The following LARP4B variants were observed in gnomAD, a reference collection of about 807,000 sequenced individuals.
LARP4B encodes la-related protein 4B.
LARP4B carries 12 observed loss-of-function variants against 89.8 expected under a neutral mutation model. The observed-to-expected ratio is 0.13, with a 90% CI of 0.09 to 0.22. LARP4B has a LOEUF of 0.22. Ranked by LOEUF, LARP4B falls within the 10% of genes least tolerant of loss-of-function variation. LARP4B has a pLI of 1.00. For synonymous variants in LARP4B, 367 were observed against 363.3 expected (o/e 1.01, Z -0.12); for missense variants, 757 against 947.7 (o/e 0.80, Z 2.64).
Position 829,640 on chromosome 10 carries a change from A to C in LARP4B, c.915+41T>G, listed in dbSNP as rs1253650527. ...TTCTATTAGAATACTTAAGAACATCAATTTGCAAATAAACAAAGTATAACC... is the reference window on the plus strand; with the variant it reads ...TTCTATTAGAATACTTAAGAACATCCATTTGCAAATAAACAAAGTATAACC... On this transcript the variant is annotated intron_variant, in intron 10 of 17. Coordinates refer to ENST00000316157, the MANE Select transcript of LARP4B (RefSeq NM_015155.3). 4 of 1,609,472 alleles carry C rather than the reference A, an allele frequency of 2.5e-6. No individual in the cohort carries two copies. The South Asian group carries it at 3.3e-5, about 13-fold the overall frequency.
chr10:868,376 C>T (rs1267685937), intron 3 of LARP4B, among the ~76,000 whole-genome samples: 2 of 120,912 alleles, frequency 1.7e-5, no homozygotes, highest in Non-Finnish European at 3.5e-5. Context: ...TTAAGATTTG[C>T]TTAAAAAAAA....
chr10:958,344 A>C, the LARP4B span, among the ~76,000 whole-genome samples: 1 of 152,100 alleles, frequency 6.6e-6, no homozygotes, highest in Non-Finnish European at 1.5e-5. Flanking sequence ...GGGCGCAGAC[A>C]CCCCGTGAAA....
chr10:813,290 G>C (rs1285438488), intron 17 of LARP4B, 77 bp from the exon 18 acceptor site: 1 of 1,411,320 alleles, frequency 7.1e-7, no homozygotes, highest in African/African-American at 1.5e-5. Context: ...GTTCACTTAA[G>C]ATAAAAGAGT....
upstream of LARP4B, among the ~76,000 whole-genome samples, chr10:933,849 T>C (rs1281792184): frequency 1.3e-5 from 2 of 152,024 alleles, no homozygotes; most frequent in Non-Finnish European, 2.9e-5. Flanking sequence ...TTTTTTTTTT[T>C]TGAGACTGAC....
intron 5 of LARP4B, among the ~76,000 whole-genome samples, chr10:857,525 T>TG (rs766096467): frequency 5.9e-5 from 9 of 152,174 alleles, no homozygotes; most frequent in Non-Finnish European, 1.2e-4. Flanking sequence ...TGTGACCAAG[T>TG]GGGAGCACTC....
intron 1 of LARP4B, among the ~76,000 whole-genome samples, chr10:896,501 A>G (rs1165263183): frequency 6.6e-6 from 1 of 152,190 alleles, no homozygotes; most frequent in Non-Finnish European, 1.5e-5. Flanking sequence ...CATTAAAGAG[A>G]TTTACAAAAC....
In LARP4B at chr10:836,908, CT is replaced by C. The variant is rs573559196; in HGVS notation, c.647-403del. Among the ~76,000 whole-genome samples, 14 of 152,338 alleles carry C rather than the reference CT, an allele frequency of 9.2e-5. No homozygotes were observed. In the East Asian group the frequency reaches 2.7e-3, roughly 29 times the overall value. ...TGTTTACATTAGGATGCTCATGTGA[CT>C]GCAGTAATAGGCCTAATTTAGATTT... On this transcript the variant is annotated intron_variant, in intron 7 of 17. Coordinates refer to ENST00000316157, the MANE Select transcript of LARP4B (RefSeq NM_015155.3).
the LARP4B span, among the ~76,000 whole-genome samples, chr10:937,910 A>G: frequency 1.3e-5 from 2 of 151,936 alleles, no homozygotes; most frequent in Non-Finnish European, 2.9e-5. Context: ...TTTGAGACGG[A>G]GTCTTGCTCT....
chr10:825,644 T>C, intron 12 of LARP4B, 120 bp downstream of exon 12: 1 of 682,256 alleles, frequency 1.5e-6, no homozygotes, highest in Non-Finnish European at 2.5e-6. Context: ...AGAATGCAGC[T>C]GTGTGCTTCA....
At chr10:809,443 T>C (rs1332264263), downstream of LARP4B, 1 of 152,254 alleles carries the variant, frequency 6.6e-6, no homozygotes, top group Non-Finnish European at 1.5e-5. Flanking sequence ...ATGAGGCCCG[T>C]GTTTCTTTCT....
chr10:909,090 C>A (rs1453372329), intron 1 of LARP4B, among the ~76,000 whole-genome samples: 2 of 151,872 alleles, frequency 1.3e-5, no homozygotes, highest in East Asian at 3.9e-4. Context: ...GTCAGGAGAT[C>A]AAGATCATCC....
At chr10:938,355 AT>A in the LARP4B span, among the ~76,000 whole-genome samples, 3 of 150,064 alleles carry the variant, frequency 2.0e-5, no homozygotes, top group Non-Finnish European at 3.0e-5. Context: ...GGTTCACGCC[AT>A]TCTCCTGCCT....
chr10:981,401 C>T, the LARP4B span, among the ~76,000 whole-genome samples: 253 of 152,206 alleles, frequency 1.7e-3, no homozygotes, highest in Non-Finnish European at 1.7e-3. Context: ...TCGTTGGTAC[C>T]AATTTTCTGT....
At position 814,677 on chromosome 10, in the gene LARP4B, C is replaced by T. The variant is rs746785354; in HGVS notation, c.1929+65G>A. On this transcript the variant is annotated intron_variant, in intron 17 of 17. Transcript: ENST00000316157. The surrounding 1 kb of genome is among the most constrained non-coding windows in gnomAD (Gnocchi z 4.4). Reference sequence around the variant, plus strand: ...TAAAAAACGAGCAGGTGCAGGAGTGCGCAGCGTCTGTTCACACCAGAGCCT... The same window carrying T: ...TAAAAAACGAGCAGGTGCAGGAGTGTGCAGCGTCTGTTCACACCAGAGCCT... 2.4e-5 allele frequency: 37 copies of T among 1,553,100 alleles called. No homozygotes were observed. The highest frequency in any genetic ancestry group is 6.8e-5 in the African/African-American group (5 of 73,098).
chr10:919,247 A>G (rs1836914189), intron 1 of LARP4B, among the ~76,000 whole-genome samples: 1 of 152,166 alleles, frequency 6.6e-6, no homozygotes. Flanking sequence ...ACATCATGTT[A>G]TTTGGATCCA....
chr10:829,461 T>A lies in LARP4B; in HGVS notation c.1049A>T (p.Gln350Leu). 6.8e-6 allele frequency: 11 copies of A among 1,614,156 alleles called. No individual in the cohort carries two copies. Among genetic ancestry groups the A allele is most frequent in the South Asian group, 1.1e-5 (1 of 91,082 alleles). ...SFYFPPMYSP[Q>L]QQFPLYSLIT... ...CAGGCTGTACAGGGGGAACTGCTGC[T>A]GGGGGCTGTACATGGGAGGGAAGTA... Residue 350 changes from glutamine to leucine, a missense_variant, in exon 11 of 18, where the codon CAG becomes CTG. Around this residue, in one of 5 missense-constraint regions of LARP4B, gnomAD observed 137 missense variants for 213.9 expected, o/e 0.64. Transcript: ENST00000316157.
chr10:822,605 A>G lies in LARP4B; in HGVS notation c.1485-1760T>C, dbSNP rs1325392539. Among the ~76,000 whole-genome samples the G allele has an allele frequency of 2.0e-5, 3 of 152,190 alleles. No homozygotes were observed. Among genetic ancestry groups the G allele is most frequent in the Non-Finnish European group, 4.4e-5 (3 of 68,032 alleles). On this transcript the variant is annotated intron_variant, in intron 13 of 17. Coordinates refer to ENST00000316157, the MANE Select transcript of LARP4B (RefSeq NM_015155.3). The surrounding 1 kb of genome is among the most constrained non-coding windows in gnomAD (Gnocchi z 4.6). Reference sequence around the variant, plus strand: ...AGCTGTCAGTGCCCATCATGCAGAGAGCAGGTTGGCTGAGCCAAGGCTCAG... The same window carrying G: ...AGCTGTCAGTGCCCATCATGCAGAGGGCAGGTTGGCTGAGCCAAGGCTCAG...
intron 6 of LARP4B, among the ~76,000 whole-genome samples, chr10:844,107 G>T (rs1833660088): frequency 6.6e-6 from 1 of 152,222 alleles, no homozygotes; most frequent in Non-Finnish European, 1.5e-5. Flanking sequence ...CATGACTGCC[G>T]ATCAAACGGA....
At chr10:862,022 C>T (rs971743482) in intron 5 of LARP4B, among the ~76,000 whole-genome samples, 7 of 152,134 alleles carry the variant, frequency 4.6e-5, no homozygotes, top group African/African-American at 1.7e-4. Flanking sequence ...ATTCCCAAGT[C>T]ACTAACCAGT....
Sources: allele counts gnomAD v4.1 joint callset (sites outside exome capture counted in the v4.1 genomes callset), GRCh38; gene constraint gnomAD v4.1.1; regional missense constraint gnomAD v4.1.1; non-coding constraint Gnocchi (gnomAD v3.1); transcripts MANE v1.5; gene names NCBI Gene and HGNC (gene_info 2026-07-23, HGNC 2026-07-21).